The following LCORL variants were observed in gnomAD, a reference collection of about 807,000 sequenced individuals.
LCORL encodes the protein ligand-dependent nuclear receptor corepressor-like protein.
Under a neutral mutation model 141.8 loss-of-function variants are expected in LCORL, and 41 were observed. The observed-to-expected ratio is 0.29, with a 90% confidence interval of 0.23 to 0.38. LCORL has a LOEUF of 0.38. Among genes scored for constraint, LCORL ranks in the 10% least tolerant of loss-of-function variants. LCORL has a pLI of 1.00. For synonymous variants in LCORL, 618 were observed against 694.1 expected (o/e 0.89, Z 1.72); for missense variants, 1,759 against 2,035.0 (o/e 0.86, Z 2.61).
intron 7 of LCORL, among the ~76,000 whole-genome samples, chr4:17,865,640 T>C (rs1473750678): frequency 6.6e-6 from 1 of 152,238 alleles, no homozygotes; most frequent in Admixed American, 6.5e-5. Context: ...TAACATTATG[T>C]TCATATTAGT....
At chr4:17,982,094 T>C (rs1718084314) in intron 1 of LCORL, among the ~76,000 whole-genome samples, 2 of 132,256 alleles carry the variant, frequency 1.5e-5, no homozygotes, top group African/African-American at 6.0e-5. Context: ...TGCATAGTAT[T>C]CCATCGTGTG....
At chr4:17,901,369 T>C (rs970638034) in intron 5 of LCORL, among the ~76,000 whole-genome samples, 2 of 144,086 alleles carry the variant, frequency 1.4e-5, no homozygotes, top group African/African-American at 5.3e-5. Context: ...AGAATGAAAG[T>C]GAAAAAGAAA....
exon 7 of LCORL, chr4:17,876,693 G>C: frequency 5.7e-6 from 7 of 1,230,764 alleles, no homozygotes; most frequent in Non-Finnish European, 7.1e-6. Context: ...CAAAAGTCCA[G>C]AAACATCATT....
intron 2 of LCORL, among the ~76,000 whole-genome samples, chr4:17,968,384 AG>A (rs924938827): frequency 6.6e-6 from 1 of 152,222 alleles, no homozygotes; most frequent in Non-Finnish European, 1.5e-5. Context: ...AGTAAATACT[AG>A]GCCATGAGTT....
chr4:17,889,536 A>G (rs1728781788), intron 5 of LCORL, among the ~76,000 whole-genome samples: 1 of 152,086 alleles, frequency 6.6e-6, no homozygotes, highest in African/African-American at 2.4e-5. Flanking sequence ...AATTTTAGTT[A>G]TCTATGGAAA....
chr4:17,853,837 T>C (rs1239882010), intron 7 of LCORL, among the ~76,000 whole-genome samples: 1 of 152,124 alleles, frequency 6.6e-6, no homozygotes, highest in Non-Finnish European at 1.5e-5. Flanking sequence ...TTCATGAAGG[T>C]CACTTATCCT....
chr4:17,962,987 G>A lies in LCORL; in HGVS notation c.283C>T (p.Gln95Ter). ...AAACTTACACTGACTGCTTCTCTCT[G>A]TAGGTTACAAAATGAACATTTTTCA... The change falls in exon 3 of 8, where the codon CAG (glutamine) becomes TAG (stop). Residue 95 changes from glutamine (Q) to a stop codon, truncating the protein, a stop_gained. Transcript: ENST00000635767. LOFTEE classifies it high-confidence loss of function. The A allele has an allele frequency of 6.3e-7, 1 of 1,592,728 alleles. No homozygotes were observed. Among genetic ancestry groups the A allele is most frequent in the Non-Finnish European group, 8.6e-7 (1 of 1,167,914 alleles).
chr4:17,877,030 A>G, exon 7 of LCORL: 7 of 1,230,644 alleles, frequency 5.7e-6, no homozygotes, highest in Non-Finnish European at 7.1e-6. Flanking sequence ...TTTTGTGTCA[A>G]TTTCCTTGAA....
intron 1 of LCORL, among the ~76,000 whole-genome samples, chr4:17,998,681 T>C (rs1195038951): frequency 6.6e-6 from 1 of 151,936 alleles, no homozygotes; most frequent in Admixed American, 6.6e-5. Context: ...AAAACTATAG[T>C]ACATGTTCGG....
exon 8 of LCORL, chr4:17,843,154 T>A: frequency 1.2e-6 from 1 of 804,846 alleles, no homozygotes; most frequent in Non-Finnish European, 1.9e-6. Context: ...TTTTTGACAT[T>A]GAGATTTTAG....
chr4:17,976,560 CATT>C lies in LCORL; in HGVS notation c.155-3678_155-3676del, dbSNP rs1717022399. Among the ~76,000 whole-genome samples the C allele has an allele frequency of 3.3e-5, 5 of 152,024 alleles. No individual in the cohort carries two copies. The East Asian group carries it at 7.7e-4, about 23-fold the overall frequency. Reference sequence around the variant, plus strand: ...AGAATGTAATATAAGGATCAAATCTCATTATATATAACTTACTTAAAAACATTT... The same window carrying C: ...AGAATGTAATATAAGGATCAAATCTCATATATAACTTACTTAAAAACATTT... On this transcript the variant is annotated intron_variant, in intron 1 of 7. Coordinates refer to ENST00000635767, the Ensembl canonical transcript of LCORL.
At chr4:17,874,753 A>G (rs1480762027) in exon 7 of LCORL, 3 of 1,233,812 alleles carry the variant, frequency 2.4e-6, no homozygotes, top group Non-Finnish European at 3.0e-6. Flanking sequence ...ATAGGATCCA[A>G]GGATACTTCA....
chr4:17,952,662 G>C (rs535739177), intron 4 of LCORL, among the ~76,000 whole-genome samples: 1 of 152,078 alleles, frequency 6.6e-6, no homozygotes. Context: ...TGATCCGCCC[G>C]CCTCGGCCTC....
rs929324256 is a variant in LCORL at position 18,021,046 on chromosome 4, A to G, written c.154+552T>C. On this transcript the variant is annotated intron_variant, in intron 1 of 7. Coordinates refer to ENST00000635767, the Ensembl canonical transcript of LCORL. This position sits in a 1 kb window ranked among gnomAD's most constrained non-coding sequence, Gnocchi z 5.5. Reference sequence around the variant, plus strand: ...GCCGCCCCTCGCCCCCAGCCGGCCCATCAGCGGCCCCCGCCCTGCGAGTGC... The same window carrying G: ...GCCGCCCCTCGCCCCCAGCCGGCCCGTCAGCGGCCCCCGCCCTGCGAGTGC... Among the ~76,000 whole-genome samples, 3 of 151,068 alleles carry G rather than the reference A, an allele frequency of 2.0e-5. No homozygotes were observed. The highest frequency in any genetic ancestry group is 7.3e-5 in the African/African-American group (3 of 41,192).
At chr4:17,954,792 T>C (rs770673646) in intron 4 of LCORL, among the ~76,000 whole-genome samples, 3 of 152,162 alleles carry the variant, frequency 2.0e-5, no homozygotes, top group Non-Finnish European at 4.4e-5. Context: ...CTCCTGGCCT[T>C]TCAGCTTGAC....
chr4:18,017,209 T>A (rs867380042), intron 1 of LCORL, among the ~76,000 whole-genome samples: 1 of 152,038 alleles, frequency 6.6e-6, no homozygotes, highest in Non-Finnish European at 1.5e-5. Flanking sequence ...TAAAAACAAC[T>A]GAGTAAATAA....
At chr4:17,881,106 T>C in intron 6 of LCORL, 1 of 982,976 alleles carries the variant, frequency 1.0e-6, no homozygotes, top group Non-Finnish European at 1.2e-6. Context: ...TTTAAACAAC[T>C]TTACTGAGCA....
exon 7 of LCORL, chr4:17,873,567 C>G: frequency 8.1e-7 from 1 of 1,233,712 alleles, no homozygotes; most frequent in Non-Finnish European, 1.0e-6. Context: ...TTTACTATTG[C>G]CAAGATGGTC....
intron 5 of LCORL, among the ~76,000 whole-genome samples, chr4:17,900,941 A>C (rs972009842): frequency 6.6e-6 from 1 of 152,128 alleles, no homozygotes; most frequent in Non-Finnish European, 1.5e-5. Context: ...AAGTAGAATA[A>C]AGAAAGGAAA....
Sources: gnomAD v4.1 joint callset for allele counts (sites outside exome capture counted in the v4.1 genomes callset) on GRCh38, gnomAD v4.1.1 for gene constraint, Gnocchi (gnomAD v3.1) non-coding constraint, MANE v1.5 for transcripts, NCBI Gene and HGNC (gene_info 2026-07-23, HGNC 2026-07-21) for gene names.